The following DLC1 variants were observed in gnomAD, a reference collection of about 807,000 sequenced individuals.
DLC1 encodes DLC1 Rho GTPase activating protein.
Under a neutral mutation model 140.3 loss-of-function variants are expected in DLC1, and 54 were observed. That is an observed-to-expected ratio of 0.38 (90% CI 0.31 to 0.48). The LOEUF (loss-of-function observed/expected upper bound fraction) is 0.48. Among genes scored for constraint, DLC1 ranks in the 20% least tolerant of loss-of-function variants. The pLI, the probability that DLC1 is intolerant of heterozygous loss-of-function variation, is 0.96. For missense variants in DLC1, 2,536 were observed against 1,907.0 expected (o/e 1.33, Z -6.14); for synonymous variants, 986 against 728.1 (o/e 1.35, Z -5.70).
intron 2 of DLC1, among the ~76,000 whole-genome samples, chr8:13,436,979 T>A (rs1839148307): frequency 6.6e-6 from 1 of 152,220 alleles, no homozygotes. Context: ...TATCTATGCT[T>A]ATTTAACACC....
chr8:13,363,273 A>G lies in DLC1; in HGVS notation c.1314+30280T>C, dbSNP rs570680111. ...ATATTTGCTCCCTGAGGGCAGAGTC[A>G]TTGCTTTCTGTCTGTTTCTGCACTG... On this transcript the variant is annotated intron_variant, in intron 4 of 17. Transcript: ENST00000276297. Among the ~76,000 whole-genome samples the G allele has an allele frequency of 2.4e-4, 36 of 151,598 alleles. 1 individual carries two copies. The South Asian group carries it at 5.6e-3, about 24-fold the overall frequency.
intron 5 of DLC1, among the ~76,000 whole-genome samples, chr8:13,268,057 G>A (rs1445344019): frequency 6.6e-6 from 1 of 152,052 alleles, no homozygotes; most frequent in African/African-American, 2.4e-5. Context: ...AACTCTGAGG[G>A]TAATCTATGT....
intron 1 of DLC1, among the ~76,000 whole-genome samples, chr8:13,545,021 C>T (rs1276784266): frequency 6.6e-6 from 1 of 152,014 alleles, no homozygotes; most frequent in African/African-American, 2.4e-5. Flanking sequence ...TCCACAGGGG[C>T]TGGGTTTTTG....
chr8:13,172,744 G>A (rs557121196), intron 5 of DLC1, among the ~76,000 whole-genome samples: 41 of 152,296 alleles, frequency 2.7e-4, no homozygotes, highest in African/African-American at 9.9e-4. Flanking sequence ...TTCCTCAGTA[G>A]CTTCGCTGAT....
intron 2 of DLC1, among the ~76,000 whole-genome samples, chr8:13,479,715 G>A (rs564966414): frequency 5.0e-4 from 51 of 102,256 alleles, no homozygotes; most frequent in African/African-American, 1.4e-3. Context: ...TGAGGCAGGA[G>A]GATTGCTTGA....
chr8:13,443,698 A>G (rs1462430880), intron 2 of DLC1, among the ~76,000 whole-genome samples: 1 of 152,096 alleles, frequency 6.6e-6, no homozygotes, highest in African/African-American at 2.4e-5. Flanking sequence ...AACAGAAAGA[A>G]AAATAATTAG....
chr8:13,332,774 T>A (rs1301964272), intron 4 of DLC1, among the ~76,000 whole-genome samples: 1 of 152,176 alleles, frequency 6.6e-6, no homozygotes, highest in Non-Finnish European at 1.5e-5. Context: ...AATTATGAGT[T>A]ACTTGATTAA....
In DLC1 at chr8:13,524,245, C is replaced by T. The variant is rs1364702486; in HGVS notation, c.-125-24049G>A. Among the ~76,000 whole-genome samples, 4 of 151,592 alleles carry T rather than the reference C, an allele frequency of 2.6e-5. No homozygotes were observed. In the East Asian group the frequency reaches 7.7e-4, roughly 29 times the overall value. ...CTCCGCCTTCAGGGTTCAAGTAATTCTCCTGCCTCAGCCTCCTGAGTAGCT... is the reference window on the plus strand; with the variant it reads ...CTCCGCCTTCAGGGTTCAAGTAATTTTCCTGCCTCAGCCTCCTGAGTAGCT... On this transcript the variant is annotated intron_variant, in intron 1 of 1. Coordinates refer to the DLC1 transcript ENST00000631382.
chr8:13,570,993 A>C (rs934633092), intron 1 of DLC1, among the ~76,000 whole-genome samples: 3 of 152,168 alleles, frequency 2.0e-5, no homozygotes, highest in African/African-American at 7.2e-5. Context: ...TCACGGAATC[A>C]GGGAGTGGAC....
rs1817484789 is a variant in DLC1 at position 13,085,584 on chromosome 8, T to A, written c.*227A>T. 9.4e-6 allele frequency: 4 copies of A among 423,564 alleles called. No homozygotes were observed. The highest frequency in any genetic ancestry group is 1.5e-5 in the Non-Finnish European group (4 of 259,298). The allele number at this position is 423,564 out of a possible 1,614,324, so 26.2% of individuals were successfully genotyped here. A position where few individuals can be genotyped will look rare whatever the true frequency, so the allele number is the denominator to read the frequency against. ...AATAAGAATACACATAAATTTTTTT[T>A]TTTTTTTTGCACAGTCTTACATATT... is the stretch of plus-strand genomic sequence containing the variant. On this transcript the variant is annotated 3_prime_UTR_variant, in exon 18 of 18. Transcript: ENST00000276297.
At chr8:13,554,049 T>C (rs1245090307) in intron 1 of DLC1, among the ~76,000 whole-genome samples, 1 of 152,058 alleles carries the variant, frequency 6.6e-6, no homozygotes, top group Non-Finnish European at 1.5e-5. Context: ...CATGGCTATA[T>C]GCTCATCACT....
chr8:13,319,410 TCC>T (rs1240884344), intron 4 of DLC1, among the ~76,000 whole-genome samples: 3 of 141,038 alleles, frequency 2.1e-5, no homozygotes, highest in Non-Finnish European at 1.5e-5. Context: ...TGGATGTGTG[TCC>T]CCACCCAAAT....
At chr8:13,088,423 C>A (rs1395781361) in intron 16 of DLC1, 64 bp downstream of exon 16, 15 of 1,538,858 alleles carry the variant, frequency 9.7e-6, no homozygotes, top group Non-Finnish European at 1.3e-5. Context: ...AGATCAGTGA[C>A]ATATAGGCTT....
chr8:13,443,657 C>CAA (rs11321891), intron 2 of DLC1, among the ~76,000 whole-genome samples: 7,683 of 66,782 alleles, frequency 0.12, 358 homozygotes, highest in East Asian at 0.22. Context: ...GACTCCGTCT[C>CAA]AAAAAAAAAA....
chr8:13,410,979 A>T (rs1837756964), intron 2 of DLC1, among the ~76,000 whole-genome samples: 1 of 152,360 alleles, frequency 6.6e-6, no homozygotes, highest in Non-Finnish European at 1.5e-5. Flanking sequence ...TGGGTTTTTA[A>T]AAAATGAACC....
chr8:13,247,364 C>G (rs1186842826), intron 5 of DLC1, among the ~76,000 whole-genome samples: 1 of 152,198 alleles, frequency 6.6e-6, no homozygotes, highest in Non-Finnish European at 1.5e-5. Flanking sequence ...GACACAATAC[C>G]TTTCAAAGAG....
At chr8:13,428,642 GA>G (rs1256758315) in intron 2 of DLC1, among the ~76,000 whole-genome samples, 2 of 152,044 alleles carry the variant, frequency 1.3e-5, no homozygotes, top group Non-Finnish European at 2.9e-5. Flanking sequence ...CAGAAGAAAA[GA>G]TATGCCTCGG....
chr8:13,305,717 G>A (rs1182032554), intron 4 of DLC1, among the ~76,000 whole-genome samples: 1 of 152,120 alleles, frequency 6.6e-6, no homozygotes, highest in Non-Finnish European at 1.5e-5. Context: ...TGCACCGGTA[G>A]TCCCAGCTAC....
chr8:13,137,308 GA>G (rs1822642814), intron 5 of DLC1, among the ~76,000 whole-genome samples: 1 of 152,190 alleles, frequency 6.6e-6, no homozygotes, highest in Non-Finnish European at 1.5e-5. Context: ...GATAATGTTA[GA>G]AGGGATTTTT....
Sources: gnomAD v4.1 joint callset for allele counts (sites outside exome capture counted in the v4.1 genomes callset) on GRCh38, gnomAD v4.1.1 for gene constraint, MANE v1.5 for transcripts, NCBI Gene and HGNC (gene_info 2026-07-23, HGNC 2026-07-21) for gene names.